Variants in TLCD4 observed in about 807,000 individuals in gnomAD.
TLCD4 encodes TLC domain containing 4.
Under a neutral mutation model 24.2 loss-of-function variants are expected in TLCD4, and 7 were observed. That is an observed-to-expected ratio of 0.29 (90% confidence interval 0.16 to 0.54). The LOEUF (loss-of-function observed/expected upper bound fraction) is 0.54, where lower values mean the gene tolerates loss of function less well. Ranked by LOEUF, TLCD4 falls within the 20% of genes least tolerant of loss-of-function variation. The pLI is 0.95. For missense variants in TLCD4, 259 were observed against 313.9 expected (o/e 0.82, Z 1.32); for synonymous variants, 103 against 106.4 (o/e 0.97, Z 0.20).
At chr1:95,101,855 G>A in the TLCD4 span, among the ~76,000 whole-genome samples, 1 of 152,234 alleles carries the variant, frequency 6.6e-6, no homozygotes, top group East Asian at 1.9e-4. Flanking sequence ...GGAAAAGACA[G>A]TGTGTGTGTT....
At position 95,180,873 on chromosome 1, in the gene TLCD4, A is replaced by C. The variant is rs376851648; in HGVS notation, c.473+6984A>C. ...AGCTTTAGATATAGCGTCTGGCTTC[A>C]TGTCTGTGTTTGAGAAAATAGTACC... On this transcript the variant is annotated intron_variant, in intron 6 of 6. Coordinates refer to ENST00000370203, the MANE Select transcript of TLCD4 (RefSeq NM_152487.3). Among the ~76,000 whole-genome samples, 4 of 152,316 alleles carry C rather than the reference A, an allele frequency of 2.6e-5. 1 individual carries two copies. The highest frequency in any genetic ancestry group is 9.6e-5 in the African/African-American group (4 of 41,554).
chr1:95,115,088 T>TTATATATATACA (rs1553167768), upstream of TLCD4, among the ~76,000 whole-genome samples: 4 of 143,834 alleles, frequency 2.8e-5, no homozygotes, highest in Non-Finnish European at 6.0e-5. Context: ...TATATACACA[T>TTATATATATACA]TATATATATA....
intron 1 of TLCD4, among the ~76,000 whole-genome samples, chr1:95,129,857 G>A (rs756795722): frequency 1.3e-5 from 2 of 152,148 alleles, no homozygotes; most frequent in African/African-American, 2.4e-5. Context: ...AATATTAGAG[G>A]ATTTATAGAA....
chr1:95,190,908 T>C (rs1245834301), intron 6 of TLCD4, among the ~76,000 whole-genome samples: 2 of 152,196 alleles, frequency 1.3e-5, no homozygotes, highest in South Asian at 4.1e-4. Context: ...ATTTTAAATA[T>C]TTTTTCCTAG....
At chr1:95,104,373 G>A in the TLCD4 span, among the ~76,000 whole-genome samples, 1 of 152,088 alleles carries the variant, frequency 6.6e-6, no homozygotes, top group African/African-American at 2.4e-5. Context: ...AGTCAAAAAT[G>A]CGTTTAACGG....
chr1:95,157,708 T>C (rs1384125345), intron 5 of TLCD4, among the ~76,000 whole-genome samples: 1 of 152,226 alleles, frequency 6.6e-6, no homozygotes, highest in Non-Finnish European at 1.5e-5. Flanking sequence ...GGTCCTTCCG[T>C]GTAGCTTGGG....
At chr1:95,123,224 CT>C (rs1315106634) in intron 1 of TLCD4, among the ~76,000 whole-genome samples, 1 of 152,184 alleles carries the variant, frequency 6.6e-6, no homozygotes, top group African/African-American at 2.4e-5. Flanking sequence ...CATGTAAGGA[CT>C]TATAAAGACT....
rs1678160207 is a variant in TLCD4, at chr1:95,170,311, TATA to T, written c.400-3498_400-3496del. The stretch of plus-strand genomic sequence containing the variant: ...ACATGAATCTGTCTTAGTGAGGGGT[TATA>T]ATAATACAAATCATTCTTTTTTTTT... On this transcript the variant is annotated intron_variant, in intron 5 of 6. Coordinates refer to ENST00000370203, the MANE Select transcript of TLCD4 (RefSeq NM_152487.3). 2.0e-5 allele frequency among the ~76,000 whole-genome samples: 3 copies of T among 151,106 alleles called. No individual in the cohort carries two copies. In the Admixed American group the frequency reaches 2.0e-4, roughly 10 times the overall value.
the TLCD4 span, among the ~76,000 whole-genome samples, chr1:95,099,106 T>TGCCTGACA: frequency 6.9e-6 from 1 of 145,264 alleles, no homozygotes; most frequent in East Asian, 2.0e-4. Context: ...TTTAGAATAG[T>TGCCTGACA]GCCTGACACA....
At chr1:95,184,041 C>T (rs1470277998) in intron 6 of TLCD4, among the ~76,000 whole-genome samples, 1 of 152,132 alleles carries the variant, frequency 6.6e-6, no homozygotes, top group Non-Finnish European at 1.5e-5. Context: ...CAAATGTTTA[C>T]ATGCCTGAAG....
chr1:95,173,591 C>T (rs1423642495), intron 5 of TLCD4, among the ~76,000 whole-genome samples: 2 of 152,186 alleles, frequency 1.3e-5, no homozygotes, highest in Non-Finnish European at 2.9e-5. Flanking sequence ...CATAAGTGAA[C>T]ATAAGTGTAT....
At chr1:95,191,514 A>C (rs769726247) in intron 6 of TLCD4, 36 bp from the exon 7 acceptor site, 4 of 1,567,276 alleles carry the variant, frequency 2.6e-6, no homozygotes, top group African/African-American at 2.7e-5. Flanking sequence ...TCAGAGATGC[A>C]CTATAAATGT....
At chr1:95,184,870 G>C (rs1678774847) in intron 6 of TLCD4, among the ~76,000 whole-genome samples, 1 of 152,156 alleles carries the variant, frequency 6.6e-6, no homozygotes, top group Non-Finnish European at 1.5e-5. Flanking sequence ...AGGGAGGTAA[G>C]GAGGACAGTT....
intron 5 of TLCD4, among the ~76,000 whole-genome samples, chr1:95,162,598 G>T (rs999444914): frequency 6.6e-6 from 1 of 152,166 alleles, no homozygotes; most frequent in Non-Finnish European, 1.5e-5. Flanking sequence ...TCATAGCATC[G>T]ATGGTCTTTA....
intron 5 of TLCD4, chr1:95,164,943 T>G (rs1677962348): frequency 6.6e-6 from 1 of 152,238 alleles, no homozygotes; most frequent in Non-Finnish European, 1.5e-5. Flanking sequence ...TTGCCTTTAC[T>G]ACATATTTGA....
At chr1:95,174,106 AATCCTGCTCTTTGCAGTACG>A in intron 6 of TLCD4, 1 of 620,744 alleles carries the variant, frequency 1.6e-6, no homozygotes, top group South Asian at 2.1e-5. Context: ...CTAGCTTTTA[AATCCTGCTCTTTGCAGTACG>A]ATGGTGCTTT....
the TLCD4 span, among the ~76,000 whole-genome samples, chr1:95,107,732 T>C: frequency 6.6e-6 from 1 of 152,226 alleles, no homozygotes; most frequent in Non-Finnish European, 1.5e-5. Flanking sequence ...TATTGATGTA[T>C]GGGTTCTTCA....
At chr1:95,139,190 A>AT (rs1475371523) in intron 1 of TLCD4, among the ~76,000 whole-genome samples, 9 of 149,022 alleles carry the variant, frequency 6.0e-5, no homozygotes, top group African/African-American at 2.3e-4. Flanking sequence ...AAAAAAAAAA[A>AT]AAAAAAAGAT....
chr1:95,179,166 AT>A (rs1678549351), intron 6 of TLCD4, among the ~76,000 whole-genome samples: 1 of 152,256 alleles, frequency 6.6e-6, no homozygotes, highest in Non-Finnish European at 1.5e-5. Flanking sequence ...TTTAAAGGAA[AT>A]AAAATTAAAA....
Sources: gnomAD v4.1 joint callset for allele counts (sites outside exome capture counted in the v4.1 genomes callset) on GRCh38, gnomAD v4.1.1 for gene constraint, MANE v1.5 for transcripts, NCBI Gene and HGNC (gene_info 2026-07-23, HGNC 2026-07-21) for gene names.